CCDC91: variants seen among roughly 807,000 people sequenced by gnomAD.
CCDC91 encodes coiled-coil domain containing 91.
A neutral mutation model predicts 63.2 loss-of-function variants in CCDC91; 48 were observed. The ratio of observed to expected loss-of-function variants is 0.76; its 90% confidence interval spans 0.60 to 0.97. CCDC91 has a LOEUF of 0.97. Among genes scored for constraint, CCDC91 ranks in the 50% least tolerant of loss-of-function variants. CCDC91 has a pLI of 0.00. For synonymous variants in CCDC91, 167 were observed against 165.8 expected (o/e 1.01, Z -0.06); for missense variants, 500 against 494.6 (o/e 1.01, Z -0.10).
chr12:28,427,414 T>C (rs1385523187), intron 8 of CCDC91, among the ~76,000 whole-genome samples: 1 of 152,194 alleles, frequency 6.6e-6, no homozygotes, highest in East Asian at 1.9e-4. Context: ...GCTTTTATGG[T>C]GCATTACAGG....
At chr12:28,201,424 A>G (rs28378747) in intron 1 of CCDC91, among the ~76,000 whole-genome samples, 30,325 of 129,180 alleles carry the variant, frequency 0.23, 5,922 homozygotes, top group East Asian at 0.57. Flanking sequence ...CACATCTCAG[A>G]CGATGGGCGG....
intron 1 of CCDC91, among the ~76,000 whole-genome samples, chr12:28,207,579 T>G (rs545093650): frequency 6.6e-6 from 1 of 152,274 alleles, no homozygotes; most frequent in East Asian, 1.9e-4. Context: ...GCATTGAAAA[T>G]GACAAATGAA....
In CCDC91 at chr12:28,447,675, T is replaced by TGAAG. The variant is rs371934724; in HGVS notation, c.763-2470_763-2467dup. Among the ~76,000 whole-genome samples, 198 of 133,658 alleles carry TGAAG rather than the reference T, an allele frequency of 1.5e-3. 2 individuals carry two copies. Among genetic ancestry groups the TGAAG allele is most frequent in the African/African-American group, 5.3e-3 (183 of 34,730 alleles). The allele number at this position is 133,658 out of a possible 152,430, so 87.7% of individuals were successfully genotyped here. On this transcript the variant is annotated intron_variant, in intron 8 of 12. Coordinates refer to ENST00000536442, the MANE Select transcript of CCDC91 (RefSeq NM_018318.5). ...AGTCCAGTCTGGGCAACATAGAGGA[T>TGAAG]GAAGGAAGGAAGGAAGGAATGAATA...
At chr12:28,533,136 C>T (rs529775589) in intron 12 of CCDC91, among the ~76,000 whole-genome samples, 22 of 152,072 alleles carry the variant, frequency 1.4e-4, no homozygotes, top group Non-Finnish European at 2.8e-4. Context: ...GAAATTATAT[C>T]AGTGCATTTC....
At chr12:28,376,228 T>G (rs1407737630) in intron 7 of CCDC91, among the ~76,000 whole-genome samples, 1 of 151,870 alleles carries the variant, frequency 6.6e-6, no homozygotes, top group African/African-American at 2.4e-5. Flanking sequence ...TCAGCCATTA[T>G]TTTTCTAATT....
intron 1 of CCDC91, among the ~76,000 whole-genome samples, chr12:28,205,995 G>A (rs1223738531): frequency 6.6e-6 from 1 of 152,212 alleles, no homozygotes; most frequent in Non-Finnish European, 1.5e-5. Flanking sequence ...CCAGGAAACA[G>A]TAGAACAGTG....
rs1449118797 is a variant in CCDC91, at chr12:28,478,469, G to T, written c.1102-5583G>T. 2.6e-5 allele frequency among the ~76,000 whole-genome samples: 4 copies of T among 152,184 alleles called. No homozygotes were observed. The East Asian group carries it at 7.7e-4, about 29-fold the overall frequency. ...CTTATACAAAAATTAATTCAAGGTG[G>T]ATTAAAGACTTAAATGTTAGACCTA... On this transcript the variant is annotated intron_variant, in intron 11 of 12. Transcript: ENST00000536442.
intron 11 of CCDC91, among the ~76,000 whole-genome samples, chr12:28,475,050 A>G (rs1474227126): frequency 1.3e-5 from 2 of 152,056 alleles, no homozygotes; most frequent in African/African-American, 2.4e-5. Context: ...TGAGGGGCAA[A>G]TGGTGTGCTG....
At chr12:28,500,281 C>T (rs1952567007) in intron 12 of CCDC91, among the ~76,000 whole-genome samples, 1 of 151,778 alleles carries the variant, frequency 6.6e-6, no homozygotes, top group Admixed American at 6.6e-5. Flanking sequence ...AATTTTCTCC[C>T]ATTCTGTAGG....
At chr12:28,272,996 C>T (rs1018015230) in intron 3 of CCDC91, among the ~76,000 whole-genome samples, 2 of 139,154 alleles carry the variant, frequency 1.4e-5, no homozygotes, top group African/African-American at 2.6e-5. Flanking sequence ...CCCCTCCCCC[C>T]ACCCCACAAC....
At chr12:28,469,042 A>G (rs1207853350) in intron 11 of CCDC91, among the ~76,000 whole-genome samples, 3 of 152,104 alleles carry the variant, frequency 2.0e-5, no homozygotes, top group Non-Finnish European at 4.4e-5. Context: ...CAGGGATGCC[A>G]CTGTCATCAC....
intron 8 of CCDC91, among the ~76,000 whole-genome samples, chr12:28,449,717 C>T (rs1949706565): frequency 6.6e-6 from 1 of 151,844 alleles, no homozygotes; most frequent in Admixed American, 6.6e-5. Context: ...TTTTTTTTAA[C>T]AATGCCTTAC....
chr12:28,278,814 G>GA (rs1294443205), intron 3 of CCDC91, among the ~76,000 whole-genome samples: 1 of 152,014 alleles, frequency 6.6e-6, no homozygotes, highest in Non-Finnish European at 1.5e-5. Context: ...TAACAGCTAT[G>GA]TAACCTTGGT....
intron 12 of CCDC91, among the ~76,000 whole-genome samples, chr12:28,539,468 C>G (rs1250274705): frequency 6.6e-6 from 1 of 152,020 alleles, no homozygotes; most frequent in East Asian, 1.9e-4. Flanking sequence ...TGGTCTATAT[C>G]TCTGTTTTGG....
At chr12:28,401,602 C>T (rs1225402767) in intron 8 of CCDC91, among the ~76,000 whole-genome samples, 1 of 152,098 alleles carries the variant, frequency 6.6e-6, no homozygotes, top group Non-Finnish European at 1.5e-5. Flanking sequence ...ACCATCAGAT[C>T]TGGTGAGAAC....
chr12:28,282,199 A>G (rs1202019491), intron 3 of CCDC91, among the ~76,000 whole-genome samples: 3 of 152,142 alleles, frequency 2.0e-5, no homozygotes, highest in African/African-American at 7.2e-5. Flanking sequence ...AATTTCCACC[A>G]TCCTACCAAT....
At chr12:28,244,915 A>G (rs1237944287) in intron 1 of CCDC91, among the ~76,000 whole-genome samples, 1 of 152,026 alleles carries the variant, frequency 6.6e-6, no homozygotes, top group Non-Finnish European at 1.5e-5. Flanking sequence ...GAGTAGGTAG[A>G]TTAATATAGA....
chr12:28,239,693 T>A (rs1407529923), intron 1 of CCDC91, among the ~76,000 whole-genome samples: 1 of 152,150 alleles, frequency 6.6e-6, no homozygotes, highest in African/African-American at 2.4e-5. Flanking sequence ...GTCATATTGA[T>A]GGGATGTAAC....
rs34854850 is a variant in CCDC91 at position 28,264,585 on chromosome 12, CTGTG to C, written c.109+5175_109+5178del. On this transcript the variant is annotated intron_variant, in intron 3 of 12. Coordinates refer to ENST00000536442, the MANE Select transcript of CCDC91 (RefSeq NM_018318.5). Reference sequence around the variant, plus strand: ...TAGGCACATATATATATATGTCTGTCTGTGTGTGTGTGTGTGTGTGTGTGTGTGT... The same window carrying C: ...TAGGCACATATATATATATGTCTGTCTGTGTGTGTGTGTGTGTGTGTGTGT... Among the ~76,000 whole-genome samples, 254 of 137,310 alleles carry C rather than the reference CTGTG, an allele frequency of 1.8e-3. 1 individual carries two copies. Among genetic ancestry groups the C allele is most frequent in the African/African-American group, 6.2e-3 (224 of 36,306 alleles). The allele number at this position is 137,310 out of a possible 152,430, so 90.1% of individuals were successfully genotyped here.
Sources: gnomAD v4.1 joint callset for allele counts (sites outside exome capture counted in the v4.1 genomes callset) on GRCh38, gnomAD v4.1.1 for gene constraint, MANE v1.5 for transcripts, NCBI Gene and HGNC (gene_info 2026-07-23, HGNC 2026-07-21) for gene names.